Variants in MAGI1 observed in about 807,000 individuals in gnomAD.
MAGI1 encodes membrane associated guanylate kinase, WW and PDZ domain containing 1, also known as membrane-associated guanylate kinase, WW and PDZ domain-containing protein 1.
MAGI1 carries 58 observed loss-of-function variants against 139.9 expected under a neutral mutation model. The observed-to-expected ratio is 0.41, with a 90% CI of 0.34 to 0.52. MAGI1 has a LOEUF of 0.52. Ranked by LOEUF, MAGI1 falls within the 20% of genes least tolerant of loss-of-function variation. The probability of loss-of-function intolerance (pLI) is 0.12; values close to 1 mark genes in which losing one functional copy is unlikely to be tolerated. For synonymous variants in MAGI1, 812 were observed against 737.9 expected (o/e 1.10, Z -1.63); for missense variants, 1,874 against 1,901.6 (o/e 0.99, Z 0.27).
At chr3:65,925,926 C>A (rs1218529922) in intron 1 of MAGI1, among the ~76,000 whole-genome samples, 1 of 152,210 alleles carries the variant, frequency 6.6e-6, no homozygotes, top group Non-Finnish European at 1.5e-5. Flanking sequence ...GATCCACCTG[C>A]CTCAGCCTCC....
chr3:65,959,614 T>C, intron 1 of MAGI1, among the ~76,000 whole-genome samples: 1 of 137,290 alleles, frequency 7.3e-6, no homozygotes, highest in South Asian at 2.3e-4. Flanking sequence ...ATTATTATTA[T>C]TATTATTATT....
chr3:65,661,647 A>G (rs983278161), intron 1 of MAGI1, among the ~76,000 whole-genome samples: 2 of 152,014 alleles, frequency 1.3e-5, no homozygotes, highest in African/African-American at 4.8e-5. Context: ...TGGGAAGCAT[A>G]TGAAATTCAT....
intron 2 of MAGI1, among the ~76,000 whole-genome samples, chr3:65,564,059 T>C (rs756243759): frequency 3.3e-5 from 5 of 152,238 alleles, no homozygotes; most frequent in Middle Eastern, 3.4e-3. Context: ...ACAAGATGCA[T>C]ATCTCCAGAG....
chr3:65,615,321 C>T (rs2083314762), intron 2 of MAGI1, among the ~76,000 whole-genome samples: 1 of 152,124 alleles, frequency 6.6e-6, no homozygotes, highest in Admixed American at 6.5e-5. Flanking sequence ...TGAGACCCAC[C>T]CAAAGATTTC....
At chr3:65,592,209 T>C (rs2081999409) in intron 2 of MAGI1, among the ~76,000 whole-genome samples, 1 of 152,222 alleles carries the variant, frequency 6.6e-6, no homozygotes, top group African/African-American at 2.4e-5. Flanking sequence ...CAGCCAGCCC[T>C]AGCACATAGC....
chr3:65,958,200 T>C (rs1236658900), intron 1 of MAGI1, among the ~76,000 whole-genome samples: 1 of 152,194 alleles, frequency 6.6e-6, no homozygotes, highest in African/African-American at 2.4e-5. Flanking sequence ...GGGACATTCA[T>C]AAAACCTTCA....
At chr3:65,559,014 T>C (rs1459724603) in intron 2 of MAGI1, among the ~76,000 whole-genome samples, 3 of 152,116 alleles carry the variant, frequency 2.0e-5, no homozygotes, top group Non-Finnish European at 2.9e-5. Context: ...AAATTATACA[T>C]AGTGCACACG....
At chr3:65,391,708 T>C (rs903577994) in intron 13 of MAGI1, among the ~76,000 whole-genome samples, 2 of 152,238 alleles carry the variant, frequency 1.3e-5, no homozygotes, top group African/African-American at 4.8e-5. Flanking sequence ...CAAAAATATG[T>C]GACACCAAAT....
At chr3:65,565,578 C>T (rs955514837) in intron 2 of MAGI1, among the ~76,000 whole-genome samples, 4 of 152,068 alleles carry the variant, frequency 2.6e-5, no homozygotes, top group Non-Finnish European at 5.9e-5. Context: ...TGCTTATGGT[C>T]GGGCACGGTG....
intron 1 of MAGI1, among the ~76,000 whole-genome samples, chr3:65,894,952 A>G (rs1360703407): frequency 6.6e-6 from 1 of 152,208 alleles, no homozygotes; most frequent in African/African-American, 2.4e-5. Flanking sequence ...GAACCTTCAC[A>G]TGAGTTCAAA....
chr3:65,689,175 C>G (rs2088343804), intron 1 of MAGI1, among the ~76,000 whole-genome samples: 1 of 152,206 alleles, frequency 6.6e-6, no homozygotes, highest in Admixed American at 6.5e-5. Context: ...GCTCTAGGAG[C>G]ACTTCCCTTG....
Position 65,363,489 on chromosome 3 carries a change from A to G in MAGI1, c.3471T>C (p.Pro1157=). The G allele has an allele frequency of 6.2e-7, 1 of 1,613,202 alleles. No individual in the cohort carries two copies. The highest frequency in any genetic ancestry group is 8.5e-7 in the Non-Finnish European group (1 of 1,179,556). The stretch of plus-strand genomic sequence containing the variant: ...CCCTCATCTTTCCACACCTCTCCGC[A>G]GGACCGTCCTCTGCTAAGCGCAGAA... The part of the protein sequence containing the change: ...LYVLRLAEDG[P]AERCGKMRIG... The change falls in exon 21 of 23, where the codon CCT becomes CCC. Residue 1157 remains proline (P), a synonymous_variant. Coordinates refer to ENST00000402939, the MANE Select transcript of MAGI1 (RefSeq NM_001033057.2).
At chr3:66,028,125 T>G (rs1406256748) in intron 1 of MAGI1, among the ~76,000 whole-genome samples, 2 of 151,970 alleles carry the variant, frequency 1.3e-5, no homozygotes, top group African/African-American at 4.8e-5. Flanking sequence ...AGCAATGTAG[T>G]GAAACCCCAT....
chr3:65,577,203 AAC>A (rs1200399198), intron 2 of MAGI1, among the ~76,000 whole-genome samples: 4 of 152,234 alleles, frequency 2.6e-5, no homozygotes, highest in Non-Finnish European at 5.9e-5. Flanking sequence ...ACTAGAGTGA[AAC>A]AAATGAATCA....
At chr3:65,544,547 C>T (rs1175484042) in intron 2 of MAGI1, among the ~76,000 whole-genome samples, 1 of 152,120 alleles carries the variant, frequency 6.6e-6, no homozygotes, top group East Asian at 1.9e-4. Context: ...TAAATCTTAC[C>T]TAGCATGCAG....
intron 2 of MAGI1, among the ~76,000 whole-genome samples, chr3:65,579,356 A>G (rs1242363062): frequency 2.0e-5 from 3 of 152,134 alleles, no homozygotes; most frequent in African/African-American, 7.2e-5. Flanking sequence ...GGACTGCCAC[A>G]TATTTGGGCC....
chr3:65,375,444 C>A (rs1352546254), intron 18 of MAGI1, among the ~76,000 whole-genome samples: 2 of 152,110 alleles, frequency 1.3e-5, no homozygotes. Context: ...GCCTCGGCCT[C>A]CCAAAGTGCT....
intron 2 of MAGI1, among the ~76,000 whole-genome samples, chr3:65,516,458 T>C (rs2077884382): frequency 6.6e-6 from 1 of 151,998 alleles, no homozygotes; most frequent in Non-Finnish European, 1.5e-5. Context: ...ATTACAGGCA[T>C]GAGCCACCGT....
intron 1 of MAGI1, among the ~76,000 whole-genome samples, chr3:65,794,659 G>A (rs991789809): frequency 5.3e-5 from 8 of 151,452 alleles, no homozygotes; most frequent in Non-Finnish European, 1.0e-4. Context: ...CACAACCAGC[G>A]ATGCCCCAGC....
Sources: allele counts gnomAD v4.1 joint callset (sites outside exome capture counted in the v4.1 genomes callset), GRCh38; gene constraint gnomAD v4.1.1; transcripts MANE v1.5; gene names NCBI Gene and HGNC (gene_info 2026-07-23, HGNC 2026-07-21).